RPAP3: variants seen among roughly 807,000 people sequenced by gnomAD.
RPAP3 encodes RNA polymerase II associated protein 3, also known as RNA polymerase II-associated protein 3.
RPAP3 carries 58 observed loss-of-function variants against 88.8 expected under a neutral mutation model. That is an observed-to-expected ratio of 0.65 (90% CI 0.53 to 0.81). The LOEUF (loss-of-function observed/expected upper bound fraction) is 0.81. Among genes scored for constraint, RPAP3 ranks in the 40% least tolerant of loss-of-function variants. RPAP3 has a pLI of 0.00. For missense variants in RPAP3, 751 were observed against 764.3 expected, an observed-to-expected ratio of 0.98 and a Z score of 0.20; for synonymous variants, 255 against 259.9, an observed-to-expected ratio of 0.98 and a Z score of 0.18.
chr12:47,689,087 A>C (rs753523359), intron 7 of RPAP3, 38 bp downstream of exon 7: 11 of 870,044 alleles, frequency 1.3e-5, no homozygotes, highest in Admixed American at 7.0e-5. Context: ...CTTCAAATAA[A>C]GGTCATAATA....
Position 47,661,537 on chromosome 12 carries a change from G to A in RPAP3, c.*1968C>T, listed in dbSNP as rs899665332. Reference sequence around the variant, plus strand: ...AGATGGAGCCAGAATTCAAACTCAAGAAGTCTGAATCCAGAGCCTCTGGTC... The same window carrying A: ...AGATGGAGCCAGAATTCAAACTCAAAAAGTCTGAATCCAGAGCCTCTGGTC... On this transcript the variant is annotated 3_prime_UTR_variant, in exon 17 of 17. Coordinates refer to ENST00000005386, the MANE Select transcript of RPAP3 (RefSeq NM_024604.3). The A allele has an allele frequency of 6.6e-6, 1 of 152,224 alleles. No homozygotes were observed. Among genetic ancestry groups the A allele is most frequent in the Non-Finnish European group, 1.5e-5 (1 of 68,048 alleles). The allele number at this position is 152,224 out of a possible 1,614,324, so 9.4% of individuals were successfully genotyped here.
rs561834847 is a variant in RPAP3, at chr12:47,690,753, G to A, written c.546-114C>T. The A allele has an allele frequency of 1.5e-4, 98 of 645,220 alleles. No individual in the cohort carries two copies. In the East Asian group the frequency reaches 2.6e-3, roughly 17 times the overall value. 40.0% of individuals were successfully genotyped at this position (645,220 alleles called of 1,614,324 possible). On this transcript the variant is annotated intron_variant, in intron 5 of 16. Coordinates refer to ENST00000005386, the MANE Select transcript of RPAP3 (RefSeq NM_024604.3). ...AAGAGAATTTACTTACCCACTGAAG[G>A]CATTTTTCCCACCTGCTTTCAGTTA...
intron 2 of RPAP3, among the ~76,000 whole-genome samples, chr12:47,702,026 C>T (rs1475356876): frequency 6.6e-6 from 1 of 152,134 alleles, no homozygotes; most frequent in Admixed American, 6.5e-5. Flanking sequence ...AACCTAGGTA[C>T]TATCTGCATT....
chr12:47,701,531 G>GT lies in RPAP3; in HGVS notation c.226dup (p.Thr76AsnfsTer14), dbSNP rs1326677198. On this transcript the variant is annotated frameshift_variant, in exon 3 of 17. Transcript: ENST00000005386. LOFTEE classifies it high-confidence loss of function. ...CCTGTTTTTTGTGTTTTCCTCTCTG[G>GT]TTTTTTTGGAAGACTCTTTAGCTTT... The GT allele has an allele frequency of 5.0e-6, 8 of 1,597,774 alleles. No homozygotes were observed. The highest frequency in any genetic ancestry group is 2.3e-5 in the East Asian group (1 of 43,730).
chr12:47,661,634 C>T lies in RPAP3; in HGVS notation c.*1871G>A, dbSNP rs528915015. ...TCAGAAATTTTTTAAAATTCAAATT[C>T]TATAGTAAATCTTGTGATCTGTACT... On this transcript the variant is annotated 3_prime_UTR_variant, in exon 17 of 17. Coordinates refer to ENST00000005386, the MANE Select transcript of RPAP3 (RefSeq NM_024604.3). 2.3e-4 allele frequency: 35 copies of T among 152,318 alleles called. No individual in the cohort carries two copies. Among genetic ancestry groups the T allele is most frequent in the Admixed American group, 3.9e-4 (6 of 15,302 alleles). 9.4% of individuals were successfully genotyped at this position (152,318 alleles called of 1,614,324 possible).
chr12:47,679,891 C>T lies in RPAP3; in HGVS notation c.1115-117G>A, dbSNP rs1348927565. The T allele has an allele frequency of 1.0e-5, 7 of 679,778 alleles. No homozygotes were observed. In the Admixed American group the frequency reaches 1.6e-4, roughly 16 times the overall value. 42.1% of individuals were successfully genotyped at this position (679,778 alleles called of 1,614,324 possible). On this transcript the variant is annotated intron_variant, in intron 10 of 16. Coordinates refer to ENST00000005386, the MANE Select transcript of RPAP3 (RefSeq NM_024604.3). ...CACATTTTTAGCTCAAGCAGTTTTA[C>T]TCAGATTACTAGGAAACAGGTGAGC...
intron 5 of RPAP3, 102 bp downstream of exon 5, chr12:47,696,174 A>C: frequency 1.0e-6 from 1 of 991,342 alleles, no homozygotes; most frequent in Non-Finnish European, 1.4e-6. Context: ...AATGCAATAC[A>C]TTTTCAATCT....
chr12:47,697,017 C>T (rs1939546091), intron 4 of RPAP3, among the ~76,000 whole-genome samples: 1 of 152,080 alleles, frequency 6.6e-6, no homozygotes, highest in African/African-American at 2.4e-5. Flanking sequence ...CATTATACTC[C>T]TTATTGACAA....
chr12:47,675,484 T>C (rs1270151291), intron 12 of RPAP3, among the ~76,000 whole-genome samples: 2 of 152,134 alleles, frequency 1.3e-5, no homozygotes, highest in Non-Finnish European at 2.9e-5. Context: ...ATCAGTGTGC[T>C]GCATTCAGGA....
intron 12 of RPAP3, among the ~76,000 whole-genome samples, chr12:47,672,164 C>T (rs1704054682): frequency 6.6e-6 from 1 of 152,178 alleles, no homozygotes; most frequent in African/African-American, 2.4e-5. Context: ...CTTATTACCA[C>T]TCTCAGGGGA....
Position 47,702,738 on chromosome 12 carries a change from T to C in RPAP3, c.103A>G (p.Ile35Val). 6.2e-7 allele frequency: 1 copy of C among 1,613,124 alleles called. No individual in the cohort carries two copies. Among genetic ancestry groups the C allele is most frequent in the Non-Finnish European group, 8.5e-7 (1 of 1,179,340 alleles). The change falls in exon 2 of 17, where the codon ATT (isoleucine) becomes GTT (valine). Residue 35 changes from isoleucine to valine, a missense_variant. Coordinates refer to ENST00000005386, the MANE Select transcript of RPAP3 (RefSeq NM_024604.3). ...CTTAGTTCCATATCCTTTTGTTTAA[T>C]GTCTTTTTCCCAGTTTTCTAAATCC... ...MRDLENWEKD[I>V]KQKDMELRRQ... is the part of the protein sequence containing the mutation.
At chr12:47,689,589 T>G (rs909298731) in intron 6 of RPAP3, among the ~76,000 whole-genome samples, 1 of 152,168 alleles carries the variant, frequency 6.6e-6, no homozygotes, top group Non-Finnish European at 1.5e-5. Flanking sequence ...TCTTCCCACC[T>G]TGGCCTCCCA....
intron 12 of RPAP3, among the ~76,000 whole-genome samples, chr12:47,676,864 A>G (rs1939126444): frequency 6.6e-6 from 1 of 152,196 alleles, no homozygotes; most frequent in Non-Finnish European, 1.5e-5. Flanking sequence ...CAATAGAAAA[A>G]GAGGGAATCC....
At chr12:47,675,551 T>A (rs929469889) in intron 12 of RPAP3, among the ~76,000 whole-genome samples, 2 of 151,990 alleles carry the variant, frequency 1.3e-5, no homozygotes, top group Admixed American at 1.3e-4. Flanking sequence ...TGGAGGAAGA[T>A]CTAACAAGCA....
At chr12:47,698,087 AT>A (rs886646132) in intron 3 of RPAP3, among the ~76,000 whole-genome samples, 2 of 152,096 alleles carry the variant, frequency 1.3e-5, no homozygotes, top group East Asian at 1.9e-4. Flanking sequence ...TTAAAAAAAA[AT>A]TTTTTTCTTC....
At chr12:47,686,550 ACAC>A (rs1939326773) in intron 9 of RPAP3, among the ~76,000 whole-genome samples, 1 of 145,640 alleles carries the variant, frequency 6.9e-6, no homozygotes, top group African/African-American at 2.7e-5. Context: ...ACACATACAC[ACAC>A]ACACACACAC....
intron 3 of RPAP3, 47 bp downstream of exon 3, chr12:47,701,417 G>A: frequency 6.8e-7 from 1 of 1,462,432 alleles, no homozygotes; most frequent in Non-Finnish European, 9.2e-7. Flanking sequence ...CTAACTCCCA[G>A]AAAATTTTAC....
Position 47,696,299 on chromosome 12 carries a change from C to T in RPAP3, c.522G>A (p.Ala174=), listed in dbSNP as rs371465577. ...PYNPVLPTNR[A]SAYFRLKKFA... is the part of the protein sequence containing the mutation. ...ACTTTTTCAGTCTAAAATATGCTGA[C>T]GCTCTGTTCGTTGGCAACACGGGAT... The change falls in exon 5 of 17, where the codon GCG becomes GCA. Residue 174 remains alanine (A), a synonymous_variant. Coordinates refer to ENST00000005386, the MANE Select transcript of RPAP3 (RefSeq NM_024604.3). The T allele has an allele frequency of 1.6e-5, 25 of 1,575,078 alleles. No individual in the cohort carries two copies. Among genetic ancestry groups the T allele is most frequent in the African/African-American group, 2.7e-5 (2 of 73,198 alleles).
At chr12:47,692,962 C>T (rs1939456886) in intron 5 of RPAP3, among the ~76,000 whole-genome samples, 1 of 152,186 alleles carries the variant, frequency 6.6e-6, no homozygotes, top group South Asian at 2.1e-4. Flanking sequence ...TCACTGCAAC[C>T]TCTGCCTCCT....
Sources: allele counts gnomAD v4.1 joint callset (sites outside exome capture counted in the v4.1 genomes callset), GRCh38; gene constraint gnomAD v4.1.1; transcripts MANE v1.5; gene names NCBI Gene and HGNC (gene_info 2026-07-23, HGNC 2026-07-21).